Variants in LRRIQ1 observed in about 807,000 individuals in gnomAD.
LRRIQ1 encodes leucine rich repeats and IQ motif containing 1.
In LRRIQ1, 210 loss-of-function variants were observed where a neutral mutation model predicts 211.9. The observed-to-expected ratio is 0.99, with a 90% CI of 0.89 to 1.11. The LOEUF is 1.11. Among genes scored for constraint, LRRIQ1 ranks in the 50% most tolerant of loss-of-function variants. The pLI is 0.00. For missense variants in LRRIQ1, 2,136 were observed against 1,939.5 expected (o/e 1.10, Z -1.90); for synonymous variants, 699 against 650.1 (o/e 1.08, Z -1.14).
At chr12:85,097,121 G>A (rs536744110) in intron 11 of LRRIQ1, among the ~76,000 whole-genome samples, 1 of 152,084 alleles carries the variant, frequency 6.6e-6, no homozygotes, top group African/African-American at 2.4e-5. Context: ...TTCTCAATTT[G>A]TGCCTTTTAA....
intron 24 of LRRIQ1, among the ~76,000 whole-genome samples, chr12:85,182,297 C>T (rs544833066): frequency 6.6e-6 from 1 of 150,844 alleles, no homozygotes; most frequent in South Asian, 2.1e-4. Context: ...CAACTCATCT[C>T]ACCCAAGTTA....
intron 1 of LRRIQ1, among the ~76,000 whole-genome samples, chr12:85,250,989 A>G (rs1429178663): frequency 3.3e-5 from 4 of 120,490 alleles, no homozygotes; most frequent in African/African-American, 1.3e-4. Context: ...TAGATTATAT[A>G]TTATATTATA....
intron 3 of LRRIQ1, among the ~76,000 whole-genome samples, chr12:85,042,986 T>A (rs1277801442): frequency 6.6e-6 from 1 of 152,006 alleles, no homozygotes; most frequent in African/African-American, 2.4e-5. Flanking sequence ...AGGCAGTAAG[T>A]TTTTTTGTTT....
At chr12:85,109,596 A>C (rs2136339214) in intron 15 of LRRIQ1, among the ~76,000 whole-genome samples, 1 of 152,258 alleles carries the variant, frequency 6.6e-6, no homozygotes, top group South Asian at 2.1e-4. Context: ...AGTGGTTCTC[A>C]AAGGTGTGTC....
intron 24 of LRRIQ1, among the ~76,000 whole-genome samples, chr12:85,187,609 C>A (rs1018327246): frequency 7.9e-5 from 12 of 151,976 alleles, no homozygotes; most frequent in South Asian, 6.2e-4. Flanking sequence ...GAGTTCGAGA[C>A]CAGCTTAGCC....
In LRRIQ1 at chr12:85,056,048, A is replaced by G. The variant is rs376907953; in HGVS notation, c.1255A>G (p.Lys419Glu). The G allele has an allele frequency of 1.9e-6, 3 of 1,601,702 alleles. No individual in the cohort carries two copies. Among genetic ancestry groups the G allele is most frequent in the African/African-American group, 1.4e-5 (1 of 73,998 alleles). ...AAGTCTTGAAGATATTTCAAATGAT[A>G]AGGGTGATATAGCCAAAAATCTAGT... ...HLSLEDISND[K>E]GDIAKNLVDE... Residue 419 changes from lysine to glutamate, a missense_variant, in exon 8 of 27, where the codon AAG (lysine) becomes GAG (glutamate). Coordinates refer to ENST00000393217, the MANE Select transcript of LRRIQ1 (RefSeq NM_001079910.2).
chr12:85,262,640 A>G (rs1896330888), intron 1 of LRRIQ1, among the ~76,000 whole-genome samples: 1 of 152,100 alleles, frequency 6.6e-6, no homozygotes. Context: ...GTGAAACACC[A>G]ACGATATTTG....
chr12:85,068,944 T>TTTA (rs1378280404), intron 10 of LRRIQ1, among the ~76,000 whole-genome samples: 1 of 151,076 alleles, frequency 6.6e-6, no homozygotes, highest in Non-Finnish European at 1.5e-5. Context: ...TTTATTTAAT[T>TTTA]TTATTATTAT....
rs780274982 is a variant in LRRIQ1 at position 85,056,661 on chromosome 12, A to T, written c.1868A>T (p.Asp623Val). Residue 623 changes from aspartate to valine, a missense_variant, in exon 8 of 27, where the codon GAT becomes GTT. Transcript: ENST00000393217. ...TCACTAACATCAGAAAATTCCAAAGATGTAAGAGAAAACGTAATATTACAA... is the reference window on the plus strand; with the variant it reads ...TCACTAACATCAGAAAATTCCAAAGTTGTAAGAGAAAACGTAATATTACAA... ...SLSLTSENSKDVRENVILQEK... is the reference protein window; with the variant it reads ...SLSLTSENSKVVRENVILQEK... The T allele has an allele frequency of 1.2e-6, 2 of 1,602,960 alleles. No homozygotes were observed. Among genetic ancestry groups the T allele is most frequent in the East Asian group, 4.5e-5 (2 of 44,710 alleles).
At chr12:85,148,806 C>T (rs148104831) in intron 19 of LRRIQ1, among the ~76,000 whole-genome samples, 4,393 of 152,016 alleles carry the variant, frequency 0.029, 192 homozygotes, top group African/African-American at 0.096. Flanking sequence ...GCCTCACCAG[C>T]GTCTGTTGTT....
intron 15 of LRRIQ1, among the ~76,000 whole-genome samples, chr12:85,112,926 C>G (rs1375431673): frequency 6.6e-6 from 1 of 152,064 alleles, no homozygotes; most frequent in Non-Finnish European, 1.5e-5. Flanking sequence ...TATGGCTTCC[C>G]TCTTGTCTTT....
intron 11 of LRRIQ1, among the ~76,000 whole-genome samples, chr12:85,097,391 C>A (rs1475085092): frequency 6.6e-6 from 1 of 151,974 alleles, no homozygotes; most frequent in Non-Finnish European, 1.5e-5. Context: ...TTAGGTATAT[C>A]TCCAGTGCCC....
At chr12:85,238,322 A>G (rs747802645) in intron 26 of LRRIQ1, among the ~76,000 whole-genome samples, 10 of 152,106 alleles carry the variant, frequency 6.6e-5, no homozygotes, top group Non-Finnish European at 1.3e-4. Flanking sequence ...AAGAGAGATT[A>G]GAGATGAAAA....
chr12:85,241,816 A>C (rs1895473845), intron 26 of LRRIQ1, among the ~76,000 whole-genome samples: 1 of 151,988 alleles, frequency 6.6e-6, no homozygotes, highest in South Asian at 2.1e-4. Context: ...TACTTTTAAA[A>C]TTAATAATTA....
At chr12:85,187,570 G>T (rs990237324) in intron 24 of LRRIQ1, among the ~76,000 whole-genome samples, 1 of 152,062 alleles carries the variant, frequency 6.6e-6, no homozygotes, top group African/African-American at 2.4e-5. Context: ...ACTTTGGGAG[G>T]CCAAGGCAGG....
chr12:85,160,574 A>G (rs765020551), intron 23 of LRRIQ1, 39 bp from the exon 24 acceptor site: 14 of 1,307,338 alleles, frequency 1.1e-5, no homozygotes, highest in Non-Finnish European at 1.5e-5. Context: ...GGAATTAACC[A>G]AAGATGAACT....
chr12:85,257,527 C>A (rs1467933651), intron 1 of LRRIQ1, among the ~76,000 whole-genome samples: 2 of 151,376 alleles, frequency 1.3e-5, no homozygotes, highest in African/African-American at 4.8e-5. Flanking sequence ...AAATTGCATT[C>A]TTAACTGCTT....
chr12:85,195,080 G>A (rs1172691803), intron 24 of LRRIQ1, among the ~76,000 whole-genome samples: 1 of 152,122 alleles, frequency 6.6e-6, no homozygotes, highest in Non-Finnish European at 1.5e-5. Flanking sequence ...TAGAAGAAAT[G>A]GAAAAATTCC....
rs753544110 is a variant in LRRIQ1, at chr12:85,047,258, A to G, written c.466A>G (p.Ile156Val). 3.1e-5 allele frequency: 49 copies of G among 1,590,072 alleles called. No individual in the cohort carries two copies. The highest frequency in any genetic ancestry group is 4.2e-5 in the Non-Finnish European group (49 of 1,173,124). Residue 156 changes from isoleucine (I) to valine (V), a missense_variant, in exon 6 of 27, where the codon ATA becomes GTA. Ile to Val is a conservative substitution (Grantham distance 29, BLOSUM62 3). Coordinates refer to ENST00000393217, the MANE Select transcript of LRRIQ1 (RefSeq NM_001079910.2). ...DEHVLPDDADINFGYCEVEEK... is the reference protein window; with the variant it reads ...DEHVLPDDADVNFGYCEVEEK... Reference sequence around the variant, plus strand: ...CTTCATGAGTGCAGATGATGCTGATATAAATTTTGGATACTGTGAAGTGGA... The same window carrying G: ...CTTCATGAGTGCAGATGATGCTGATGTAAATTTTGGATACTGTGAAGTGGA...
Sources: gnomAD v4.1 joint callset for allele counts (sites outside exome capture counted in the v4.1 genomes callset) on GRCh38, gnomAD v4.1.1 for gene constraint, MANE v1.5 for transcripts, NCBI Gene and HGNC (gene_info 2026-07-23, HGNC 2026-07-21) for gene names.